The following PRDM10 variants were observed in gnomAD, a reference collection of about 807,000 sequenced individuals.
The protein encoded by PRDM10 is PR domain zinc finger protein 10.
In PRDM10, 65 loss-of-function variants were observed where a neutral mutation model predicts 133.1. The ratio of observed to expected loss-of-function variants is 0.49; its 90% CI spans 0.40 to 0.60. The LOEUF (loss-of-function observed/expected upper bound fraction) is 0.60, where lower values mean the gene tolerates loss of function less well. PRDM10 is among the 20% of genes least tolerant of loss of function. The pLI is 0.00. For synonymous variants in PRDM10, 582 were observed against 580.4 expected, an observed-to-expected ratio of 1.00 and a Z score of -0.04; for missense variants, 1,137 against 1,507.1, an observed-to-expected ratio of 0.75 and a Z score of 4.07.
At chr11:129,921,803 C>A (rs1950530510) in intron 13 of PRDM10, among the ~76,000 whole-genome samples, 1 of 152,196 alleles carries the variant, frequency 6.6e-6, no homozygotes, top group Admixed American at 6.5e-5. Context: ...TGTAGAGGTA[C>A]CTGTGGGTCC....
intron 17 of PRDM10, among the ~76,000 whole-genome samples, chr11:129,913,854 C>T (rs1316424866): frequency 6.6e-6 from 1 of 152,210 alleles, no homozygotes; most frequent in Non-Finnish European, 1.5e-5. Context: ...GCCTTGGGGA[C>T]ACTTCTCCTC....
chr11:130,002,041 C>T (rs1291281962), intron 1 of PRDM10, among the ~76,000 whole-genome samples: 1 of 151,562 alleles, frequency 6.6e-6, no homozygotes, highest in East Asian at 1.9e-4. Context: ...GCGCGGCCTC[C>T]GCAGACAAAG....
In PRDM10 at chr11:129,923,419, A is replaced by G; in HGVS notation, c.1879-16T>C. On this transcript the variant is annotated splice_polypyrimidine_tract_variant and intron_variant, in intron 12 of 20. Transcript: ENST00000360871. The surrounding 1 kb of genome is among the most constrained non-coding windows in gnomAD (Gnocchi z 4.4). ...GTTTTTTCACCTGGTGATAAGAACC[A>G]CAGGAAAATTCAGGGGACGCAGGCA... 1.9e-6 allele frequency: 3 copies of G among 1,598,672 alleles called. No homozygotes were observed. Among genetic ancestry groups the G allele is most frequent in the East Asian group, 4.5e-5 (2 of 44,400 alleles).
At position 129,931,101 on chromosome 11, in the gene PRDM10, T is replaced by C. The variant is rs768225069; in HGVS notation, c.1445A>G (p.His482Arg). Residue 482 changes from histidine (H) to arginine (R), a missense_variant, in exon 11 of 21, where the codon CAC becomes CGC. Transcript: ENST00000360871. ...LEHEPETHTL[H>R]LQPQHEESVV... is the part of the protein sequence containing the mutation. ...GCTCTCTTCATGCTGCGGCTGCAGG[T>C]GCAGGGTGTGAGTTTCTGGTTCATG... is the stretch of plus-strand genomic sequence containing the variant. 6.2e-7 allele frequency: 1 copy of C among 1,614,180 alleles called. No homozygotes were observed. Among genetic ancestry groups the C allele is most frequent in the African/African-American group, 1.3e-5 (1 of 75,040 alleles).
intron 11 of PRDM10, among the ~76,000 whole-genome samples, chr11:129,930,525 G>T (rs1202111631): frequency 1.3e-5 from 2 of 152,048 alleles, no homozygotes; most frequent in Non-Finnish European, 2.9e-5. Flanking sequence ...GCAGGTGTGT[G>T]AACTGTACCT....
In PRDM10 at chr11:129,935,366, C is replaced by G. The variant is rs986164719; in HGVS notation, c.1040-148G>C. On this transcript the variant is annotated intron_variant, in intron 8 of 20. Coordinates refer to ENST00000360871, the MANE Select transcript of PRDM10 (RefSeq NM_199437.2). ...TCTGCTATTTGCATTACTGTTCTAT[C>G]AAATCAAAAGCTAAAATTTGGCAGA... 5 of 597,436 alleles carry G rather than the reference C, an allele frequency of 8.4e-6. No homozygotes were observed. The South Asian group carries it at 9.4e-5, about 11-fold the overall frequency. 37.0% of individuals were successfully genotyped at this position (597,436 alleles called of 1,614,324 possible). A position where few individuals can be genotyped will look rare whatever the true frequency, so the allele number is the denominator to read the frequency against.
chr11:129,922,378 C>T (rs1950545275), intron 13 of PRDM10, among the ~76,000 whole-genome samples: 1 of 152,146 alleles, frequency 6.6e-6, no homozygotes, highest in African/African-American at 2.4e-5. Context: ...CCCAGACCTA[C>T]TTATACTTTT....
rs781446554 is a variant in PRDM10, at chr11:129,915,785, G to A, written c.2401C>T (p.Arg801Trp). The A allele has an allele frequency of 1.2e-6, 2 of 1,614,204 alleles. No individual in the cohort carries two copies. The highest frequency in any genetic ancestry group is 1.1e-5 in the South Asian group (1 of 91,092). Residue 801 changes from arginine (R) to tryptophan (W), a missense_variant, in exon 16 of 21, where the codon CGG becomes TGG. By Grantham distance (101) the Arg-to-Trp change is moderately radical. This residue lies in a region of PRDM10 where 65 missense variants were observed against 151.1 expected (regional missense o/e 0.43). Transcript: ENST00000360871. ...HPGAELPPSI[R>W]KLRPAGPGEP... Reference sequence around the variant, plus strand: ...CCAGGACCAGCGGGTCGGAGCTTCCGAATGCTCGGTGGGAGCTCTGCTCCT... The same window carrying A: ...CCAGGACCAGCGGGTCGGAGCTTCCAAATGCTCGGTGGGAGCTCTGCTCCT...
At chr11:129,962,678 A>G (rs1951819188) in intron 1 of PRDM10, among the ~76,000 whole-genome samples, 1 of 152,210 alleles carries the variant, frequency 6.6e-6, no homozygotes, top group Admixed American at 6.5e-5. Flanking sequence ...ACCTATTAAG[A>G]TATGTGAATT....
In PRDM10 at chr11:129,993,077, T is replaced by G. The variant is rs114346549; in HGVS notation, c.-119+9645A>C. On this transcript the variant is annotated intron_variant, in intron 1 of 20. Coordinates refer to ENST00000360871, the MANE Select transcript of PRDM10 (RefSeq NM_199437.2). ...TGTTTTCCAAGGTAGTCATATGAAT[T>G]TATATCTGTACCAGCCATCTATGAA... Among the ~76,000 whole-genome samples the G allele has an allele frequency of 3.8e-3, 586 of 152,388 alleles. 5 individuals carry two copies. Among genetic ancestry groups the G allele is most frequent in the African/African-American group, 0.013 (554 of 41,592 alleles).
At chr11:129,921,046 C>G (rs1950509077) in intron 13 of PRDM10, among the ~76,000 whole-genome samples, 1 of 152,188 alleles carries the variant, frequency 6.6e-6, no homozygotes, top group African/African-American at 2.4e-5. Context: ...ATCTGCCCAC[C>G]TTGGCCTCCC....
intron 1 of PRDM10, among the ~76,000 whole-genome samples, chr11:129,963,085 G>T (rs1014399984): frequency 1.3e-5 from 2 of 151,040 alleles, no homozygotes; most frequent in Non-Finnish European, 2.9e-5. Context: ...GGAGGCGGAG[G>T]TTACAGTGAG....
In PRDM10 at chr11:129,932,249, G is replaced by T; in HGVS notation, c.1158-18C>A. On this transcript the variant is annotated intron_variant, in intron 9 of 20. Transcript: ENST00000360871. The stretch of plus-strand genomic sequence containing the variant: ...CTCTTGTTCTGGGGACAAGAGATTG[G>T]GTTACAGGTCGTCATGGTTACATAA... 2.5e-6 allele frequency: 4 copies of T among 1,612,322 alleles called. No homozygotes were observed. The highest frequency in any genetic ancestry group is 2.2e-5 in the East Asian group (1 of 44,794).
At position 129,931,183 on chromosome 11, in the gene PRDM10, C is replaced by T. The variant is rs1454580453; in HGVS notation, c.1363G>A (p.Glu455Lys). Residue 455 changes from glutamate (E) to lysine (K), a missense_variant, in exon 11 of 21, where the codon GAA becomes AAA. Glu to Lys is a moderately conservative substitution (Grantham distance 56). Transcript: ENST00000360871. ...PATLNGLDQP[E>K]QTTIPIPQLP... The stretch of plus-strand genomic sequence containing the variant: ...TGAGGGATTGGGATAGTGGTCTGTT[C>T]TGGTTGATCCAGCCCATTCAGAGTG... 6.2e-7 allele frequency: 1 copy of T among 1,614,202 alleles called. No homozygotes were observed. The highest frequency in any genetic ancestry group is 8.5e-7 in the Non-Finnish European group (1 of 1,180,030).
At chr11:129,959,519 G>A (rs1026430741) in intron 2 of PRDM10, among the ~76,000 whole-genome samples, 1 of 152,130 alleles carries the variant, frequency 6.6e-6, no homozygotes, top group African/African-American at 2.4e-5. Context: ...TTGGGAGGAA[G>A]GAGTGCCACA....
At chr11:130,002,075 C>T (rs1243986891) in intron 1 of PRDM10, among the ~76,000 whole-genome samples, 1 of 151,248 alleles carries the variant, frequency 6.6e-6, no homozygotes, top group Non-Finnish European at 1.5e-5. Flanking sequence ...CGAACAGGAC[C>T]CTCCGCCCCA....
chr11:129,914,997 G>T lies in PRDM10; in HGVS notation c.2548C>A (p.Arg850=), dbSNP rs765995026. 8 of 1,604,360 alleles carry T rather than the reference G, an allele frequency of 5.0e-6. No individual in the cohort carries two copies. Among genetic ancestry groups the T allele is most frequent in the South Asian group, 3.3e-5 (3 of 90,950 alleles). ...SSKTKMVQHI[R]KKHPEFAQLS... ...TGGGCGAACTCTGGATGCTTCTTTC[G>T]AATGTGCTGGACCATCTTGGTCTGA... The change falls in exon 17 of 21, where the codon CGA becomes AGA. Residue 850 remains arginine (R), a synonymous_variant. Coordinates refer to ENST00000360871, the MANE Select transcript of PRDM10 (RefSeq NM_199437.2).
chr11:129,976,961 A>G (rs1415029364), intron 1 of PRDM10, among the ~76,000 whole-genome samples: 1 of 152,150 alleles, frequency 6.6e-6, no homozygotes, highest in Non-Finnish European at 1.5e-5. Flanking sequence ...ATGACTAGTT[A>G]TGAAAAACAC....
At chr11:129,946,993 G>T (rs75849305) in intron 5 of PRDM10, 152 bp downstream of exon 5, 10 of 1,020,816 alleles carry the variant, frequency 9.8e-6, no homozygotes, top group Admixed American at 2.4e-5. Flanking sequence ...TGCAGTGAAG[G>T]CCAGGTGGGA....
Sources: allele counts gnomAD v4.1 joint callset (sites outside exome capture counted in the v4.1 genomes callset), GRCh38; gene constraint gnomAD v4.1.1; regional missense constraint gnomAD v4.1.1; non-coding constraint Gnocchi (gnomAD v3.1); transcripts MANE v1.5; gene names NCBI Gene and HGNC (gene_info 2026-07-23, HGNC 2026-07-21).